The following ZNF618 variants were observed in gnomAD, a reference collection of about 807,000 sequenced individuals.
ZNF618 encodes neural precursor cell expressed, developmentally down-regulated 10.
A neutral mutation model predicts 103.0 loss-of-function variants in ZNF618; 34 were observed. The ratio of observed to expected loss-of-function variants is 0.33; its 90% CI spans 0.25 to 0.44. ZNF618 has a LOEUF of 0.44. Among genes scored for constraint, ZNF618 ranks in the 20% least tolerant of loss-of-function variants. ZNF618 has a pLI of 1.00. For synonymous variants in ZNF618, 551 were observed against 542.2 expected (o/e 1.02, Z -0.23); for missense variants, 1,059 against 1,295.4 (o/e 0.82, Z 2.80).
intron 10 of ZNF618, 184 bp downstream of exon 10, chr9:114,016,968 GA>G: frequency 1.7e-6 from 1 of 590,984 alleles, no homozygotes; most frequent in East Asian, 2.9e-5. Context: ...GCATAGCTGA[GA>G]AGTCCCCCTC....
chr9:113,933,587 A>G (rs1833791342), intron 1 of ZNF618, among the ~76,000 whole-genome samples: 2 of 152,136 alleles, frequency 1.3e-5, no homozygotes, highest in African/African-American at 4.8e-5. Context: ...GAAAGTCTCA[A>G]ATGCCCATCT....
chr9:113,945,843 G>C (rs930314602), intron 1 of ZNF618, among the ~76,000 whole-genome samples: 10 of 152,172 alleles, frequency 6.6e-5, no homozygotes, highest in African/African-American at 2.4e-4. Context: ...AAAATGTCTC[G>C]TAAAAAGTTA....
intron 1 of ZNF618, among the ~76,000 whole-genome samples, chr9:113,932,237 T>G (rs1226112699): frequency 6.6e-6 from 1 of 152,156 alleles, no homozygotes; most frequent in East Asian, 1.9e-4. Context: ...AAGCAAACCT[T>G]GCAATTGGTG....
chr9:114,001,864 T>A, intron 4 of ZNF618, 132 bp from the exon 5 acceptor site: 1 of 791,154 alleles, frequency 1.3e-6, no homozygotes, highest in Non-Finnish European at 2.2e-6. Context: ...AGCTCGGTGC[T>A]GCCTCCTTGC....
chr9:114,005,959 A>G (rs1841713423), intron 6 of ZNF618, among the ~76,000 whole-genome samples: 1 of 152,204 alleles, frequency 6.6e-6, no homozygotes, highest in African/African-American at 2.4e-5. Context: ...TCTGGTATCC[A>G]GCATCCTCAG....
At chr9:113,994,837 G>A (rs1840410574) in intron 3 of ZNF618, among the ~76,000 whole-genome samples, 3 of 151,296 alleles carry the variant, frequency 2.0e-5, no homozygotes, top group African/African-American at 7.3e-5. Flanking sequence ...TTTGAAAACT[G>A]TATATTCTTT....
intron 2 of ZNF618, among the ~76,000 whole-genome samples, chr9:113,969,546 C>T (rs929447854): frequency 6.6e-5 from 10 of 152,220 alleles, no homozygotes; most frequent in Admixed American, 1.3e-4. Flanking sequence ...GTGTCATGTG[C>T]TCCTCTCTCT....
intron 1 of ZNF618, among the ~76,000 whole-genome samples, chr9:113,882,270 C>G (rs1439626408): frequency 6.6e-6 from 1 of 152,186 alleles, no homozygotes; most frequent in African/African-American, 2.4e-5. Flanking sequence ...GAAATCCAGC[C>G]TCATGGTGTG....
At chr9:113,979,497 T>C (rs1838788039) in intron 2 of ZNF618, among the ~76,000 whole-genome samples, 1 of 152,246 alleles carries the variant, frequency 6.6e-6, no homozygotes, top group Admixed American at 6.5e-5. Flanking sequence ...GAAACATCCC[T>C]AACCTATGTT....
rs565149577 is a variant in ZNF618, at chr9:113,945,996, G to A, written c.34-23121G>A. On this transcript the variant is annotated intron_variant, in intron 1 of 14. Coordinates refer to ENST00000374126, the MANE Select transcript of ZNF618 (RefSeq NM_001318042.2). ...CAGGGACTGGCGGCTTTGCTGAAATGCTGGAGGCAAATTTGAGCTTTGAGG... is the reference window on the plus strand; with the variant it reads ...CAGGGACTGGCGGCTTTGCTGAAATACTGGAGGCAAATTTGAGCTTTGAGG... 1.8e-4 allele frequency among the ~76,000 whole-genome samples: 28 copies of A among 152,312 alleles called. No homozygotes were observed. The East Asian group carries it at 5.0e-3, about 27-fold the overall frequency.
chr9:113,970,883 A>T (rs550247512), intron 2 of ZNF618, among the ~76,000 whole-genome samples: 1 of 148,308 alleles, frequency 6.7e-6, no homozygotes, highest in Admixed American at 6.8e-5. Flanking sequence ...GGCAGAGAAC[A>T]TGTCTGTCTT....
chr9:113,998,247 T>C lies in ZNF618; in HGVS notation c.338-12T>C. 2.6e-6 allele frequency: 4 copies of C among 1,549,976 alleles called. No individual in the cohort carries two copies. The highest frequency in any genetic ancestry group is 3.5e-6 in the Non-Finnish European group (4 of 1,146,460). On this transcript the variant is annotated splice_polypyrimidine_tract_variant and intron_variant, in intron 3 of 14. Transcript: ENST00000374126. ...ACTTTAAGGGCTCTTTCTGATTTCT[T>C]ACGTAATTCAGATGGAAAAGCGCCC...
chr9:114,016,673 CCTT>C lies in ZNF618; in HGVS notation c.755-20_755-18del. Reference sequence around the variant, plus strand: ...TGGAGGCCAGTTGCACATTCTTACACCTTCGTTTCCTTCCTGGACAGAAACTGG... The same window carrying C: ...TGGAGGCCAGTTGCACATTCTTACACCGTTTCCTTCCTGGACAGAAACTGG... On this transcript the variant is annotated intron_variant, in intron 9 of 14. Transcript: ENST00000374126. The C allele has an allele frequency of 6.2e-7, 1 of 1,607,338 alleles. No homozygotes were observed. The highest frequency in any genetic ancestry group is 8.5e-7 in the Non-Finnish European group (1 of 1,174,554).
intron 1 of ZNF618, among the ~76,000 whole-genome samples, chr9:113,891,150 G>A: frequency 6.6e-6 from 1 of 152,100 alleles, no homozygotes; most frequent in East Asian, 1.9e-4. Flanking sequence ...GTGTGTATGT[G>A]TATATGTGTG....
At chr9:113,990,626 C>T (rs1475997982) in intron 3 of ZNF618, among the ~76,000 whole-genome samples, 1 of 152,188 alleles carries the variant, frequency 6.6e-6, no homozygotes, top group African/African-American at 2.4e-5. Context: ...AGCCAAGTGA[C>T]AGAGGGAAAG....
intron 2 of ZNF618, among the ~76,000 whole-genome samples, chr9:113,978,977 G>T (rs1294444077): frequency 2.0e-5 from 3 of 152,160 alleles, no homozygotes; most frequent in African/African-American, 7.2e-5. Flanking sequence ...GTCCTCACCA[G>T]CATCACCTCC....
At chr9:114,017,425 T>C (rs1226192806) in intron 10 of ZNF618, among the ~76,000 whole-genome samples, 2 of 152,174 alleles carry the variant, frequency 1.3e-5, no homozygotes, top group African/African-American at 4.8e-5. Flanking sequence ...CATCCTCACC[T>C]TCCATCCTCC....
At chr9:113,900,703 C>A (rs1830452560) in intron 1 of ZNF618, among the ~76,000 whole-genome samples, 1 of 144,110 alleles carries the variant, frequency 6.9e-6, no homozygotes, top group East Asian at 2.2e-4. Context: ...CTCCTAGCAC[C>A]GTCCTCTCCC....
chr9:114,022,170 C>T (rs142503882), intron 10 of ZNF618, among the ~76,000 whole-genome samples: 202 of 152,056 alleles, frequency 1.3e-3, no homozygotes, highest in African/African-American at 4.4e-3. Context: ...TAACAACAGC[C>T]ATGTTGTTTT....
Sources: gnomAD v4.1 joint callset for allele counts (sites outside exome capture counted in the v4.1 genomes callset) on GRCh38, gnomAD v4.1.1 for gene constraint, MANE v1.5 for transcripts, NCBI Gene and HGNC (gene_info 2026-07-23, HGNC 2026-07-21) for gene names.